The following SPHKAP variants were observed in gnomAD, a reference collection of about 807,000 sequenced individuals.
The protein encoded by SPHKAP is A-kinase anchor protein SPHKAP.
In SPHKAP, 67 loss-of-function variants were observed where a neutral mutation model predicts 137.5. That is an observed-to-expected ratio of 0.49 (90% CI 0.40 to 0.60). The LOEUF (loss-of-function observed/expected upper bound fraction) is 0.60. SPHKAP is among the 20% of genes least tolerant of loss of function. The pLI is 0.00. For synonymous variants in SPHKAP, 813 were observed against 785.3 expected (o/e 1.04, Z -0.59); for missense variants, 2,097 against 2,069.3 (o/e 1.01, Z -0.26).
At position 227,984,418 on chromosome 2, in the gene SPHKAP, C is replaced by T. The variant is rs372131983; in HGVS notation, c.4960-2558G>A. Among the ~76,000 whole-genome samples the T allele has an allele frequency of 3.9e-5, 6 of 151,936 alleles. No individual in the cohort carries two copies. The East Asian group carries it at 5.8e-4, about 15-fold the overall frequency. On this transcript the variant is annotated intron_variant, in intron 11 of 11. Coordinates refer to ENST00000392056, the MANE Select transcript of SPHKAP (RefSeq NM_001142644.2). ...TACCTGATTCTTGACATTTTAGGAA[C>T]AGACTACAAACCCTTTAGGTTAAGG...
chr2:228,089,654 G>T (rs539199039), intron 3 of SPHKAP, among the ~76,000 whole-genome samples: 1 of 152,200 alleles, frequency 6.6e-6, no homozygotes, highest in Non-Finnish European at 1.5e-5. Context: ...GGAAAGAAAG[G>T]CTTCAGGGGC....
chr2:228,011,704 A>G (rs535271982), intron 7 of SPHKAP, among the ~76,000 whole-genome samples: 1 of 152,220 alleles, frequency 6.6e-6, no homozygotes, highest in South Asian at 2.1e-4. Context: ...TTGCTTGTCA[A>G]TTTTTTTAAT....
chr2:228,005,183 G>A (rs1278162324), intron 7 of SPHKAP, among the ~76,000 whole-genome samples: 1 of 152,178 alleles, frequency 6.6e-6, no homozygotes, highest in Admixed American at 6.5e-5. Flanking sequence ...TATTGTATGG[G>A]TGTCTAAGAC....
intron 3 of SPHKAP, among the ~76,000 whole-genome samples, chr2:228,073,870 T>TA (rs5839251): frequency 0.29 from 44,040 of 152,050 alleles, 6,671 homozygotes; most frequent in East Asian, 0.42. Context: ...CATCTTTTTT[T>TA]AAAAGCATAA....
chr2:228,056,902 G>A (rs565673478), intron 3 of SPHKAP, among the ~76,000 whole-genome samples: 2 of 152,298 alleles, frequency 1.3e-5, no homozygotes, highest in East Asian at 3.9e-4. Flanking sequence ...TGGTCTCCAG[G>A]TTTGGGAAAG....
At chr2:228,045,325 A>G (rs1695997477) in intron 3 of SPHKAP, among the ~76,000 whole-genome samples, 2 of 143,066 alleles carry the variant, frequency 1.4e-5, no homozygotes, top group African/African-American at 5.3e-5. Flanking sequence ...ACTATTCACT[A>G]TAGCAAAGAC....
intron 3 of SPHKAP, among the ~76,000 whole-genome samples, chr2:228,092,112 C>CAT (rs1559168566): frequency 7.2e-6 from 1 of 138,424 alleles, no homozygotes; most frequent in South Asian, 2.2e-4. Context: ...TATATATACA[C>CAT]ATATATACAT....
At chr2:228,020,560 G>A (rs1382115645) in intron 6 of SPHKAP, among the ~76,000 whole-genome samples, 1 of 152,084 alleles carries the variant, frequency 6.6e-6, no homozygotes, top group Non-Finnish European at 1.5e-5. Flanking sequence ...ACACACTAGG[G>A]CCTGTTGTTG....
intron 4 of SPHKAP, 127 bp downstream of exon 4, chr2:228,027,357 G>T (rs1695084372): frequency 6.1e-6 from 6 of 976,954 alleles, no homozygotes; most frequent in Non-Finnish European, 9.3e-6. Flanking sequence ...GAAAGGGTCG[G>T]GGAAATGGCC....
intron 9 of SPHKAP, 117 bp from the exon 10 acceptor site, chr2:227,991,443 T>C: frequency 1.9e-6 from 3 of 1,576,498 alleles, no homozygotes; most frequent in East Asian, 2.3e-5. Flanking sequence ...TCTGGATTTA[T>C]TGTTTTTGTA....
At chr2:228,073,054 A>T (rs535844558) in intron 3 of SPHKAP, among the ~76,000 whole-genome samples, 3 of 152,370 alleles carry the variant, frequency 2.0e-5, no homozygotes, top group South Asian at 2.1e-4. Flanking sequence ...TTGTTCAGCC[A>T]TACTAACTGG....
chr2:228,108,998 G>T, intron 2 of SPHKAP, 59 bp from the exon 3 acceptor site: 7 of 1,056,476 alleles, frequency 6.6e-6, no homozygotes, highest in South Asian at 3.5e-5. Context: ...CTAAACAGCA[G>T]CTCTCTCTCT....
At chr2:228,077,595 G>A (rs1273757936) in intron 3 of SPHKAP, among the ~76,000 whole-genome samples, 1 of 152,248 alleles carries the variant, frequency 6.6e-6, no homozygotes, top group African/African-American at 2.4e-5. Flanking sequence ...TGGAATGGCA[G>A]TATTTACCCA....
At chr2:227,991,722 G>A in intron 9 of SPHKAP, 19 of 966,124 alleles carry the variant, frequency 2.0e-5, no homozygotes, top group Non-Finnish European at 2.3e-5. Context: ...TCATCTTAAT[G>A]AATCATATGT....
rs139197816 is a variant in SPHKAP at position 228,019,934 on chromosome 2, T to G, written c.920A>C (p.Gln307Pro). Residue 307 changes from glutamine to proline, a missense_variant, in exon 7 of 12, where the codon CAG (glutamine) becomes CCG (proline). Gln to Pro is a moderately conservative substitution (Grantham distance 76). Coordinates refer to ENST00000392056, the MANE Select transcript of SPHKAP (RefSeq NM_001142644.2). ...ATTCCCCACAGCTTCTCTTTTCCAC[T>G]GTGATGGCTTGGCTGAGGGATCTAG... ...QSLDPSAKPS[Q>P]WKREAVGNGR... 2.0e-4 allele frequency: 324 copies of G among 1,614,232 alleles called. 3 individuals carry two copies. In the African/African-American group the frequency reaches 2.2e-3, roughly 11 times the overall value.
intron 7 of SPHKAP, among the ~76,000 whole-genome samples, chr2:228,007,274 G>T (rs1694178483): frequency 6.6e-6 from 1 of 152,060 alleles, no homozygotes; most frequent in Admixed American, 6.6e-5. Flanking sequence ...TGATTAAATT[G>T]GGGTAATAAG....
chr2:228,060,881 A>G (rs6757751), intron 3 of SPHKAP, among the ~76,000 whole-genome samples: 7,987 of 152,192 alleles, frequency 0.052, 236 homozygotes, highest in South Asian at 0.084. Flanking sequence ...ATAATGGGTG[A>G]CCGAGAAAGG....
At chr2:228,079,720 T>C (rs114176167) in intron 3 of SPHKAP, among the ~76,000 whole-genome samples, 1,536 of 152,186 alleles carry the variant, frequency 0.01, 42 homozygotes, top group African/African-American at 0.035. Context: ...CCCTTGAATA[T>C]AGGCTGCAGG....
Position 228,080,707 on chromosome 2 carries a change from C to CAAAAT in SPHKAP, c.246+28120_246+28124dup, listed in dbSNP as rs57442116. The stretch of plus-strand genomic sequence containing the variant: ...GGCCAAAAAGAGTGAAACTCTGTCT[C>CAAAAT]AAAATAAAATAAAATAAAATAAAAT... On this transcript the variant is annotated intron_variant, in intron 3 of 11. Coordinates refer to ENST00000392056, the MANE Select transcript of SPHKAP (RefSeq NM_001142644.2). Among the ~76,000 whole-genome samples, 61 of 134,298 alleles carry CAAAAT rather than the reference C, an allele frequency of 4.5e-4. 1 individual carries two copies. Among genetic ancestry groups the CAAAAT allele is most frequent in the Non-Finnish European group, 6.3e-4 (40 of 63,028 alleles). The allele number at this position is 134,298 out of a possible 152,430, so 88.1% of individuals were successfully genotyped here. A position where few individuals can be genotyped will look rare whatever the true frequency, so the allele number is the denominator to read the frequency against.
Sources: gnomAD v4.1 joint callset for allele counts (sites outside exome capture counted in the v4.1 genomes callset) on GRCh38, gnomAD v4.1.1 for gene constraint, MANE v1.5 for transcripts, NCBI Gene and HGNC (gene_info 2026-07-23, HGNC 2026-07-21) for gene names.